Variants in MAGI2 observed in about 807,000 individuals in gnomAD.
The protein encoded by MAGI2 is membrane associated guanylate kinase, WW and PDZ domain containing 2, also known as membrane-associated guanylate kinase, WW and PDZ domain-containing protein 2.
In MAGI2, 35 loss-of-function variants were observed where a neutral mutation model predicts 133.3. That is an observed-to-expected ratio of 0.26 (90% CI 0.20 to 0.35). MAGI2 has a LOEUF of 0.35. Ranked by LOEUF, MAGI2 falls within the 10% of genes least tolerant of loss-of-function variation. The pLI is 1.00. For synonymous variants in MAGI2, 729 were observed against 710.6 expected (o/e 1.03, Z -0.41); for missense variants, 1,636 against 1,863.4 (o/e 0.88, Z 2.25).
At chr7:79,376,507 T>C (rs1440913726) in intron 1 of MAGI2, among the ~76,000 whole-genome samples, 1 of 151,870 alleles carries the variant, frequency 6.6e-6, no homozygotes, top group Non-Finnish European at 1.5e-5. Context: ...GATTATCTGC[T>C]TCAGGTAATC....
intron 1 of MAGI2, among the ~76,000 whole-genome samples, chr7:79,294,721 C>CTTTTTTTTTTTT (rs1161010284): frequency 1.2e-5 from 1 of 83,166 alleles, no homozygotes; most frequent in Non-Finnish European, 2.1e-5. Flanking sequence ...ATTTTGGTAG[C>CTTTTTTTTTTTT]TTTTTTTTTT....
intron 9 of MAGI2, among the ~76,000 whole-genome samples, chr7:78,297,290 C>T (rs1242317005): frequency 1.3e-5 from 2 of 151,868 alleles, no homozygotes; most frequent in Non-Finnish European, 2.9e-5. Flanking sequence ...TACCATCTCA[C>T]ACCAGTTAGA....
intron 9 of MAGI2, among the ~76,000 whole-genome samples, chr7:78,279,720 G>A (rs1475065004): frequency 6.6e-6 from 1 of 151,698 alleles, no homozygotes; most frequent in Non-Finnish European, 1.5e-5. Context: ...ATGTGTGTGT[G>A]TGGTGTGTGT....
At chr7:78,022,345 T>TC (rs962811104) in intron 21 of MAGI2, among the ~76,000 whole-genome samples, 52 of 152,320 alleles carry the variant, frequency 3.4e-4, no homozygotes, top group African/African-American at 1.1e-3. Flanking sequence ...ATAGCTCTTT[T>TC]CCCCATCATT....
intron 2 of MAGI2, among the ~76,000 whole-genome samples, chr7:78,801,598 AAATAAT>A (rs199893366): frequency 0.087 from 11,527 of 133,252 alleles, 487 homozygotes; most frequent in East Asian, 0.19. Flanking sequence ...CATGAAACCC[AAATAAT>A]AAAAAGGGTT....
intron 21 of MAGI2, among the ~76,000 whole-genome samples, chr7:78,057,977 G>GTATGTATATATATATATATATATATATA (rs1812776156): frequency 8.4e-5 from 9 of 106,608 alleles, no homozygotes; most frequent in Middle Eastern, 5.0e-3. Context: ...ATATATATGT[G>GTATGTATATATATATATATATATATATA]TATATATATA....
chr7:78,872,263 A>T (rs1281247488), intron 2 of MAGI2, among the ~76,000 whole-genome samples: 1 of 151,826 alleles, frequency 6.6e-6, no homozygotes, highest in African/African-American at 2.4e-5. Context: ...TAATAAATGC[A>T]AAAAAACCTA....
intron 3 of MAGI2, among the ~76,000 whole-genome samples, chr7:78,555,315 G>A (rs1193132803): frequency 1.3e-5 from 2 of 151,882 alleles, no homozygotes; most frequent in Non-Finnish European, 2.9e-5. Context: ...ACTCAACCAG[G>A]GACCCTAAGA....
chr7:79,361,255 A>G (rs1842358187), intron 1 of MAGI2, among the ~76,000 whole-genome samples: 1 of 152,216 alleles, frequency 6.6e-6, no homozygotes, highest in Non-Finnish European at 1.5e-5. Flanking sequence ...AGGTAAGTTC[A>G]TAGCTACAGG....
At chr7:79,142,337 C>T (rs956024850) in intron 1 of MAGI2, among the ~76,000 whole-genome samples, 1 of 152,178 alleles carries the variant, frequency 6.6e-6, no homozygotes, top group East Asian at 1.9e-4. Flanking sequence ...TTTCTTTACT[C>T]CACCAACACC....
intron 2 of MAGI2, among the ~76,000 whole-genome samples, chr7:78,765,075 C>G (rs1824873375): frequency 6.6e-6 from 1 of 152,134 alleles, no homozygotes; most frequent in South Asian, 2.1e-4. Flanking sequence ...ATTCTAAATA[C>G]TTGTTGATAT....
At position 78,221,791 on chromosome 7, in the gene MAGI2, AGGACCAGCCTAGGCAAC is replaced by A. The variant is rs1332690636; in HGVS notation, c.2048-20615_2048-20599del. Among the ~76,000 whole-genome samples the A allele has an allele frequency of 5.3e-5, 8 of 151,576 alleles. No homozygotes were observed. The South Asian group carries it at 1.7e-3, about 32-fold the overall frequency. ...AAGGATCGTTTAAAGCCAAGAGTTCAGGACCAGCCTAGGCAACTAGGCAACACAAGGAGACCTTGTCT... is the reference window on the plus strand; with the variant it reads ...AAGGATCGTTTAAAGCCAAGAGTTCATAGGCAACACAAGGAGACCTTGTCT... On this transcript the variant is annotated intron_variant, in intron 10 of 21. Transcript: ENST00000354212.
intron 20 of MAGI2, among the ~76,000 whole-genome samples, chr7:78,124,861 C>CTTTTTTTTTTTTTT (rs10707820): frequency 1.5e-5 from 2 of 137,430 alleles, no homozygotes; most frequent in Non-Finnish European, 1.6e-5. Flanking sequence ...TAGCTGCTGT[C>CTTTTTTTTTTTTTT]TTTTTTTTTT....
intron 3 of MAGI2, among the ~76,000 whole-genome samples, chr7:78,625,099 A>G (rs779007427): frequency 6.6e-6 from 1 of 152,100 alleles, no homozygotes; most frequent in African/African-American, 2.4e-5. Flanking sequence ...GTGTAGGCCT[A>G]GGCTAATGTG....
At chr7:78,536,876 A>C (rs189586265) in intron 3 of MAGI2, among the ~76,000 whole-genome samples, 1 of 148,324 alleles carries the variant, frequency 6.7e-6, no homozygotes, top group Admixed American at 6.9e-5. Flanking sequence ...TAAGATCTTT[A>C]GTGGTAATTT....
In MAGI2 at chr7:78,116,985, GCA is replaced by G. The variant is rs1378851826; in HGVS notation, c.3567+8707_3567+8708del. ...CAGTTTATCAGAATAGACTTAAAAA[GCA>G]ATAGAAAATCTGAAGATAATTATTT... On this transcript the variant is annotated intron_variant, in intron 20 of 21. Coordinates refer to ENST00000354212, the MANE Select transcript of MAGI2 (RefSeq NM_012301.4). 1.5e-4 allele frequency among the ~76,000 whole-genome samples: 23 copies of G among 151,540 alleles called. 1 individual carries two copies. The highest frequency in any genetic ancestry group is 1.2e-3 in the Admixed American group (18 of 15,144).
At chr7:79,054,024 C>T (rs934527116) in intron 1 of MAGI2, among the ~76,000 whole-genome samples, 3 of 151,870 alleles carry the variant, frequency 2.0e-5, no homozygotes, top group East Asian at 1.9e-4. Context: ...TGGTGAAACC[C>T]GCCTCTAGTA....
Position 78,017,454 on chromosome 7 carries a change from G to C in MAGI2, c.*1861C>G, listed in dbSNP as rs1300098259. On this transcript the variant is annotated 3_prime_UTR_variant, in exon 22 of 22. Transcript: ENST00000354212. ...ATGGAAAATAAAGTCAGAGGATACA[G>C]TACCAGGACGTGCAGCTACACTACA... The C allele has an allele frequency of 6.6e-6, 1 of 152,414 alleles. No homozygotes were observed. The highest frequency in any genetic ancestry group is 1.5e-5 in the Non-Finnish European group (1 of 68,018). The allele number at this position is 152,414 out of a possible 1,614,324, so 9.4% of individuals were successfully genotyped here.
chr7:78,664,389 T>C lies in MAGI2; in HGVS notation c.419-37150A>G, dbSNP rs923939612. Among the ~76,000 whole-genome samples the C allele has an allele frequency of 4.6e-5, 7 of 152,276 alleles. No homozygotes were observed. The East Asian group carries it at 7.7e-4, about 17-fold the overall frequency. ...GTGTAATGTTGGTGTAGAAACACTA[T>C]AGAATTGAATTCCATTATAATGGAA... On this transcript the variant is annotated intron_variant, in intron 2 of 21. Coordinates refer to ENST00000354212, the MANE Select transcript of MAGI2 (RefSeq NM_012301.4).
Sources: gnomAD v4.1 joint callset for allele counts (sites outside exome capture counted in the v4.1 genomes callset) on GRCh38, gnomAD v4.1.1 for gene constraint, MANE v1.5 for transcripts, NCBI Gene and HGNC (gene_info 2026-07-23, HGNC 2026-07-21) for gene names.